CFAP54: variants seen among roughly 807,000 people sequenced by gnomAD.
CFAP54 encodes the protein cilia- and flagella-associated protein 54.
In CFAP54, 290 loss-of-function variants were observed where a neutral mutation model predicts 370.4. The ratio of observed to expected loss-of-function variants is 0.78; its 90% CI spans 0.71 to 0.86. CFAP54 has a LOEUF of 0.86. Ranked by LOEUF, CFAP54 falls within the 40% of genes least tolerant of loss-of-function variation. The probability of loss-of-function intolerance (pLI) is 0.00; values close to 1 mark genes in which losing one functional copy is unlikely to be tolerated. For synonymous variants in CFAP54, 1,206 were observed against 1,236.5 expected (o/e 0.98, Z 0.52); for missense variants, 3,399 against 3,528.7 (o/e 0.96, Z 0.93).
chr12:96,607,719 A>G (rs1956315557), intron 26 of CFAP54, among the ~76,000 whole-genome samples: 1 of 152,210 alleles, frequency 6.6e-6, no homozygotes, highest in Non-Finnish European at 1.5e-5. Context: ...AAGTCAAAGG[A>G]TAAGGACAAA....
intron 63 of CFAP54, among the ~76,000 whole-genome samples, chr12:96,797,422 T>G (rs1442042154): frequency 6.6e-6 from 1 of 152,118 alleles, no homozygotes; most frequent in African/African-American, 2.4e-5. Context: ...CTAAGAGAAG[T>G]ATGTTTAAAT....
chr12:96,840,774 T>G (rs549983913), intron 66 of CFAP54, among the ~76,000 whole-genome samples: 24 of 152,164 alleles, frequency 1.6e-4, no homozygotes, highest in Non-Finnish European at 3.4e-4. Context: ...CACTTAATAT[T>G]CTTATAGTCT....
At chr12:96,552,210 C>G (rs1194187310) in intron 15 of CFAP54, among the ~76,000 whole-genome samples, 2 of 140,500 alleles carry the variant, frequency 1.4e-5, no homozygotes, top group Non-Finnish European at 3.0e-5. Flanking sequence ...CACGCCATTG[C>G]GCTCCAACCT....
intron 46 of CFAP54, among the ~76,000 whole-genome samples, chr12:96,703,476 C>T (rs1230283727): frequency 1.3e-5 from 2 of 151,768 alleles, no homozygotes; most frequent in Admixed American, 6.6e-5. Context: ...TCCTGGTGAC[C>T]AAGGGGGATG....
chr12:96,841,619 A>G (rs1959216936), intron 66 of CFAP54, among the ~76,000 whole-genome samples: 1 of 152,116 alleles, frequency 6.6e-6, no homozygotes, highest in African/African-American at 2.4e-5. Flanking sequence ...CATCTATTCC[A>G]CCTATATCTT....
rs1216047358 is a variant in CFAP54 at position 96,718,439 on chromosome 12, A to G, written c.6725-4A>G. On this transcript the variant is annotated splice_region_variant and splice_polypyrimidine_tract_variant and intron_variant, in intron 48 of 67. Transcript: ENST00000524981. ...GGTCCTTCCAAAATTTTGTGTCTTT[A>G]TAGAGATATATTCAAAGGATGATGG... 2.8e-6 allele frequency: 4 copies of G among 1,438,144 alleles called. No individual in the cohort carries two copies. Among genetic ancestry groups the G allele is most frequent in the Non-Finnish European group, 3.9e-6 (4 of 1,022,204 alleles). The allele number at this position is 1,438,144 out of a possible 1,614,324, so 89.1% of individuals were successfully genotyped here.
At chr12:96,570,427 T>C (rs1422281236) in intron 19 of CFAP54, among the ~76,000 whole-genome samples, 1 of 152,080 alleles carries the variant, frequency 6.6e-6, no homozygotes, top group Non-Finnish European at 1.5e-5. Flanking sequence ...TTAGCATATC[T>C]ACATTTTGGA....
chr12:96,596,514 A>G (rs546973159), intron 25 of CFAP54, among the ~76,000 whole-genome samples: 5 of 152,268 alleles, frequency 3.3e-5, no homozygotes, highest in African/African-American at 1.2e-4. Context: ...AAATGTCTAG[A>G]TATTCATCTG....
chr12:96,614,069 A>G (rs1956390012), intron 26 of CFAP54, among the ~76,000 whole-genome samples: 1 of 152,214 alleles, frequency 6.6e-6, no homozygotes, highest in African/African-American at 2.4e-5. Context: ...AAAAAAGAGA[A>G]TTTTAGACCA....
chr12:96,856,256 A>T (rs1373424554), intron 66 of CFAP54, among the ~76,000 whole-genome samples: 1 of 152,130 alleles, frequency 6.6e-6, no homozygotes, highest in Admixed American at 6.5e-5. Context: ...CTTGCCCTGG[A>T]GCATAAATTG....
intron 45 of CFAP54, among the ~76,000 whole-genome samples, chr12:96,698,815 A>G (rs1957461828): frequency 6.6e-6 from 1 of 152,198 alleles, no homozygotes; most frequent in South Asian, 2.1e-4. Flanking sequence ...CGCCCAGCAA[A>G]GCCAAGAAAG....
chr12:96,493,378 T>C (rs1386947288), intron 1 of CFAP54, among the ~76,000 whole-genome samples: 4 of 152,216 alleles, frequency 2.6e-5, no homozygotes, highest in East Asian at 1.9e-4. Context: ...TGAGCACTTA[T>C]ATGTGTCAGG....
At chr12:96,868,259 CAAAT>C (rs1960057676) in intron 67 of CFAP54, among the ~76,000 whole-genome samples, 1 of 152,150 alleles carries the variant, frequency 6.6e-6, no homozygotes, top group South Asian at 2.1e-4. Flanking sequence ...TTCAAGGAAA[CAAAT>C]AAATTTATGT....
Position 96,739,981 on chromosome 12 carries a change from AC to A in CFAP54, c.6992del (p.Thr2331AsnfsTer13). ...YSAAIVFSTL[T>X]LLQDSKLFEK... ...TGCTGCAATAGTATTTTCTACACTT[AC>A]ACTTCTCCAGGATTCAAAACTTTTT... On this transcript the variant is annotated frameshift_variant, in exon 51 of 68. Coordinates refer to ENST00000524981, the MANE Select transcript of CFAP54 (RefSeq NM_001306084.2). LOFTEE classifies it high-confidence loss of function. 2 of 1,590,174 alleles carry A rather than the reference AC, an allele frequency of 1.3e-6. No individual in the cohort carries two copies. Among genetic ancestry groups the A allele is most frequent in the East Asian group, 2.2e-5 (1 of 44,692 alleles).
At chr12:96,666,747 A>C (rs1957086058) in intron 39 of CFAP54, among the ~76,000 whole-genome samples, 1 of 152,180 alleles carries the variant, frequency 6.6e-6, no homozygotes, top group Non-Finnish European at 1.5e-5. Context: ...GGATACAGCC[A>C]AACCATATCA....
chr12:96,505,063 CCTTTCTTTT>C (rs1955082128), intron 3 of CFAP54, among the ~76,000 whole-genome samples: 1 of 124,836 alleles, frequency 8.0e-6, no homozygotes, highest in African/African-American at 3.0e-5. Flanking sequence ...TCCTTTCTTT[CCTTTCTTTT>C]CTTCTTTTTT....
chr12:96,555,456 A>G (rs1456582635), intron 17 of CFAP54, among the ~76,000 whole-genome samples: 1 of 151,606 alleles, frequency 6.6e-6, no homozygotes, highest in East Asian at 1.9e-4. Context: ...TAAAGATATA[A>G]GGATTGGAAA....
At chr12:96,665,496 A>G (rs994991381) in intron 39 of CFAP54, among the ~76,000 whole-genome samples, 5 of 152,116 alleles carry the variant, frequency 3.3e-5, no homozygotes, top group Non-Finnish European at 7.4e-5. Context: ...TAGTTTATGT[A>G]TATAGTGTAA....
Position 96,589,576 on chromosome 12 carries a change from ATTC to A in CFAP54, c.3212+18_3212+20del, listed in dbSNP as rs1592866520. 3.7e-6 allele frequency: 5 copies of A among 1,354,152 alleles called. No homozygotes were observed. In the East Asian group the frequency reaches 1.3e-4, roughly 34 times the overall value. The allele number at this position is 1,354,152 out of a possible 1,614,324, so 83.9% of individuals were successfully genotyped here. On this transcript the variant is annotated intron_variant, in intron 23 of 67. Transcript: ENST00000524981. ...TTACACAAAGAAGGTAATTAGAAAT[ATTC>A]TTCTAAAATATTAATTTGCTTATTG... is the stretch of plus-strand genomic sequence containing the variant.
Sources: allele counts gnomAD v4.1 joint callset (sites outside exome capture counted in the v4.1 genomes callset), GRCh38; gene constraint gnomAD v4.1.1; transcripts MANE v1.5; gene names NCBI Gene and HGNC (gene_info 2026-07-23, HGNC 2026-07-21).